The following DIP2C variants were observed in gnomAD, a reference collection of about 807,000 sequenced individuals.
The protein encoded by DIP2C is disco-interacting protein 2 homolog C.
DIP2C carries 33 observed loss-of-function variants against 192.4 expected under a neutral mutation model. The ratio of observed to expected loss-of-function variants is 0.17; its 90% CI spans 0.13 to 0.23. The LOEUF (loss-of-function observed/expected upper bound fraction) is 0.23. DIP2C is among the 10% of genes least tolerant of loss of function. The probability of loss-of-function intolerance (pLI) is 1.00; values close to 1 mark genes in which losing one functional copy is unlikely to be tolerated. For missense variants in DIP2C, 1,537 were observed against 2,110.1 expected, an observed-to-expected ratio of 0.73 and a Z score of 5.32; for synonymous variants, 979 against 864.1, an observed-to-expected ratio of 1.13 and a Z score of -2.33.
At chr10:432,417 C>A (rs970545213) in intron 4 of DIP2C, among the ~76,000 whole-genome samples, 1 of 152,118 alleles carries the variant, frequency 6.6e-6, no homozygotes, top group Non-Finnish European at 1.5e-5. Context: ...TTGGCAGATT[C>A]TGTCTTTAAA....
At chr10:577,260 G>C (rs528708928) in intron 1 of DIP2C, among the ~76,000 whole-genome samples, 1 of 152,354 alleles carries the variant, frequency 6.6e-6, no homozygotes, top group African/African-American at 2.4e-5. Flanking sequence ...ACTGGATTTA[G>C]AGAACATGTA....
chr10:395,988 C>G (rs1316714334), intron 10 of DIP2C, among the ~76,000 whole-genome samples: 1 of 152,142 alleles, frequency 6.6e-6, no homozygotes, highest in Non-Finnish European at 1.5e-5. Context: ...GGACCCTGCC[C>G]TGTGCACAGT....
At chr10:359,250 A>T (rs1959199345) in intron 22 of DIP2C, among the ~76,000 whole-genome samples, 9 of 152,214 alleles carry the variant, frequency 5.9e-5, no homozygotes, top group Admixed American at 5.9e-4. Flanking sequence ...GCCGGCCCCC[A>T]GGGAGAGCAG....
intron 29 of DIP2C, among the ~76,000 whole-genome samples, chr10:340,250 TCA>T (rs953892491): frequency 3.9e-5 from 6 of 152,122 alleles, no homozygotes; most frequent in Non-Finnish European, 8.8e-5. Flanking sequence ...CTGTAGCGTC[TCA>T]GTTTTATAAA....
chr10:551,196 G>A (rs949027801), intron 1 of DIP2C, among the ~76,000 whole-genome samples: 8 of 152,212 alleles, frequency 5.3e-5, no homozygotes, highest in Non-Finnish European at 1.0e-4. Context: ...TCTCGGCTCT[G>A]CTGACACTGC....
At chr10:604,534 T>C (rs1363149022) in intron 1 of DIP2C, among the ~76,000 whole-genome samples, 1 of 152,246 alleles carries the variant, frequency 6.6e-6, no homozygotes, top group Non-Finnish European at 1.5e-5. Context: ...CAGCTGAGCC[T>C]GGCGTCATGA....
At chr10:335,136 C>T (rs1564571488) in intron 29 of DIP2C, among the ~76,000 whole-genome samples, 1 of 152,040 alleles carries the variant, frequency 6.6e-6, no homozygotes, top group Non-Finnish European at 1.5e-5. Context: ...GAAACAATAC[C>T]ATTATACTCA....
chr10:292,453 T>C (rs1955538245), intron 32 of DIP2C, among the ~76,000 whole-genome samples: 1 of 152,332 alleles, frequency 6.6e-6, no homozygotes, highest in Non-Finnish European at 1.5e-5. Context: ...GTTCGGACTT[T>C]TGCTAGAAAA....
intron 1 of DIP2C, among the ~76,000 whole-genome samples, chr10:570,309 C>G (rs1026361647): frequency 6.6e-6 from 1 of 152,136 alleles, no homozygotes; most frequent in East Asian, 1.9e-4. Context: ...GATCAGGAAA[C>G]AGTTTTAAAG....
chr10:347,646 T>C (rs1404423494), intron 26 of DIP2C, among the ~76,000 whole-genome samples: 5 of 100,616 alleles, frequency 5.0e-5, no homozygotes, highest in Non-Finnish European at 7.6e-5. Context: ...TCGCGCATAG[T>C]TCTCCCGGAA....
At chr10:355,357 T>C (rs1959032275) in intron 24 of DIP2C, among the ~76,000 whole-genome samples, 2 of 152,178 alleles carry the variant, frequency 1.3e-5, no homozygotes, top group African/African-American at 4.8e-5. Flanking sequence ...CAGAGAATGG[T>C]CTGATAACTG....
chr10:529,794 T>G (rs1348950608), intron 1 of DIP2C, among the ~76,000 whole-genome samples: 1 of 151,694 alleles, frequency 6.6e-6, no homozygotes, highest in African/African-American at 2.4e-5. Context: ...TGCTTTTATT[T>G]TTTTAGGTGG....
intron 3 of DIP2C, among the ~76,000 whole-genome samples, chr10:442,220 C>T (rs1967797066): frequency 1.3e-5 from 2 of 152,142 alleles, no homozygotes; most frequent in African/African-American, 4.8e-5. Flanking sequence ...TGAGAATGAT[C>T]CCACTGAAAG....
intron 1 of DIP2C, among the ~76,000 whole-genome samples, chr10:633,778 G>C (rs1368002268): frequency 6.6e-6 from 1 of 152,228 alleles, no homozygotes; most frequent in African/African-American, 2.4e-5. Context: ...AACAGCCTCT[G>C]AAATAACTGC....
intron 14 of DIP2C, among the ~76,000 whole-genome samples, chr10:387,364 G>C (rs1313434011): frequency 2.0e-5 from 3 of 152,224 alleles, no homozygotes; most frequent in Non-Finnish European, 4.4e-5. Flanking sequence ...CTGCTTCACA[G>C]TGTGGCAGGA....
Position 357,698 on chromosome 10 carries a change from A to AGTCAGACACTGTTGCGGACT in DIP2C, c.2904+129_2904+130insAGTCCGCAACAGTGTCTGAC, listed in dbSNP as rs1479645052. 395 of 649,952 alleles carry AGTCAGACACTGTTGCGGACT rather than the reference A, an allele frequency of 6.1e-4. 1 individual carries two copies. The highest frequency in any genetic ancestry group is 6.1e-3 in the African/African-American group (335 of 55,146). The allele number at this position is 649,952 out of a possible 1,614,324, so 40.3% of individuals were successfully genotyped here. ...GGGACTGTCGGGGACGGTTGCGGACAGTCAGACACTGTCGCGGACTGTCAG... is the reference window on the plus strand; with the variant it reads ...GGGACTGTCGGGGACGGTTGCGGACAGTCAGACACTGTTGCGGACTGTCAGACACTGTCGCGGACTGTCAG... On this transcript the variant is annotated intron_variant, in intron 23 of 36. Coordinates refer to ENST00000280886, the MANE Select transcript of DIP2C (RefSeq NM_014974.3).
At chr10:528,378 CGCAGCTCCCCCAGAACGCAG>C (rs1564821157) in intron 1 of DIP2C, among the ~76,000 whole-genome samples, 2 of 91,962 alleles carry the variant, frequency 2.2e-5, no homozygotes, top group African/African-American at 1.6e-4. Context: ...GCAGACCGCC[CGCAGCTCCCCCAGAACGCAG>C]ACCGCCCACT....
rs904969452 is a variant in DIP2C at position 363,408 on chromosome 10, C to T, written c.2478-97G>A. ...CTCCATAACCATCACTAGTGAGTGA[C>T]ACAGCTCCAACTACGACTTCAAAAC... is the stretch of plus-strand genomic sequence containing the variant. On this transcript the variant is annotated intron_variant, in intron 20 of 36. Transcript: ENST00000280886. This position sits in a 1 kb window ranked among gnomAD's most constrained non-coding sequence, Gnocchi z 5.4. 13 of 999,608 alleles carry T rather than the reference C, an allele frequency of 1.3e-5. No individual in the cohort carries two copies. The highest frequency in any genetic ancestry group is 2.0e-5 in the Non-Finnish European group (13 of 659,898). 61.9% of individuals were successfully genotyped at this position (999,608 alleles called of 1,614,324 possible). A position where few individuals can be genotyped will look rare whatever the true frequency, so the allele number is the denominator to read the frequency against.
chr10:388,453 A>T (rs186672244), intron 13 of DIP2C, among the ~76,000 whole-genome samples: 202 of 152,348 alleles, frequency 1.3e-3, no homozygotes, highest in African/African-American at 4.6e-3. Context: ...CAGGTGACTC[A>T]GTCTCACCTC....
Sources: gnomAD v4.1 joint callset for allele counts (sites outside exome capture counted in the v4.1 genomes callset) on GRCh38, gnomAD v4.1.1 for gene constraint, Gnocchi (gnomAD v3.1) non-coding constraint, MANE v1.5 for transcripts, NCBI Gene and HGNC (gene_info 2026-07-23, HGNC 2026-07-21) for gene names.